Variants in EIF2S2 observed in about 807,000 individuals in gnomAD.
The protein encoded by EIF2S2 is eukaryotic translation initiation factor 2 subunit beta.
Under a neutral mutation model 44.0 loss-of-function variants are expected in EIF2S2, and 4 were observed. The ratio of observed to expected loss-of-function variants is 0.09; its 90% CI spans 0.04 to 0.21. EIF2S2 has a LOEUF of 0.21. Among genes scored for constraint, EIF2S2 ranks in the 10% least tolerant of loss-of-function variants. The pLI is 1.00. For synonymous variants in EIF2S2, 108 were observed against 128.3 expected, an observed-to-expected ratio of 0.84 and a Z score of 1.07; for missense variants, 154 against 392.0, an observed-to-expected ratio of 0.39 and a Z score of 5.13.
Position 34,091,784 on chromosome 20 carries a change from G to C in EIF2S2, c.741-1182C>G, listed in dbSNP as rs947375696. ...ATATATATTTATTTTTTTGGGGGGG[G>C]GGGGTCCAAGGGTGGAGGTTTAATA... On this transcript the variant is annotated intron_variant, in intron 7 of 8. Transcript: ENST00000374980. 2.1e-5 allele frequency among the ~76,000 whole-genome samples: 3 copies of C among 143,102 alleles called. 1 individual carries two copies. The allele number at this position is 143,102 out of a possible 152,430, so 93.9% of individuals were successfully genotyped here. A position where few individuals can be genotyped will look rare whatever the true frequency, so the allele number is the denominator to read the frequency against.
At position 34,098,586 on chromosome 20, in the gene EIF2S2, A is replaced by G; in HGVS notation, c.345T>C (p.Asp115=). 6.2e-7 allele frequency: 1 copy of G among 1,614,010 alleles called. No homozygotes were observed. The highest frequency in any genetic ancestry group is 8.5e-7 in the Non-Finnish European group (1 of 1,180,000). Residue 115 remains aspartate (D), a synonymous_variant, in exon 4 of 9, where the codon GAT becomes GAC. Coordinates refer to ENST00000374980, the MANE Select transcript of EIF2S2 (RefSeq NM_003908.5). ...SDVQEPTEPE[D]DLDIMLGNKK... is the part of the protein sequence containing the mutation. ...TATTGCCAAGCATAATGTCAAGGTCATCCTCTGGTTCAGTTGGTTCTTGAA... is the reference window on the plus strand; with the variant it reads ...TATTGCCAAGCATAATGTCAAGGTCGTCCTCTGGTTCAGTTGGTTCTTGAA...
intron 3 of EIF2S2, among the ~76,000 whole-genome samples, chr20:34,103,107 AAT>A (rs1292343287): frequency 1.3e-5 from 2 of 152,210 alleles, no homozygotes; most frequent in Non-Finnish European, 2.9e-5. Context: ...GTATATATTC[AAT>A]ATGTTACCAA....
intron 5 of EIF2S2, 115 bp from the exon 6 acceptor site, chr20:34,096,920 T>A: frequency 8.7e-7 from 1 of 1,147,920 alleles, no homozygotes; most frequent in Non-Finnish European, 1.2e-6. Flanking sequence ...AATATACACA[T>A]GCATTACTAC....
intron 3 of EIF2S2, 36 bp downstream of exon 3, chr20:34,103,426 G>A: frequency 6.6e-7 from 1 of 1,513,126 alleles, no homozygotes; most frequent in Non-Finnish European, 8.9e-7. Flanking sequence ...CCTTGCAAGA[G>A]GTCAAATTTT....
intron 3 of EIF2S2, among the ~76,000 whole-genome samples, chr20:34,099,683 C>CT (rs1453146568): frequency 2.0e-5 from 3 of 152,164 alleles, no homozygotes; most frequent in Admixed American, 2.0e-4. Flanking sequence ...ATGCTGCCTG[C>CT]TTCTGTCCAA....
At chr20:34,106,699 G>C (rs1359255950) in intron 1 of EIF2S2, among the ~76,000 whole-genome samples, 1 of 152,016 alleles carries the variant, frequency 6.6e-6, no homozygotes, top group Non-Finnish European at 1.5e-5. Context: ...CCCAGTGTTA[G>C]GATTACAGGT....
rs1254655839 is a variant in EIF2S2 at position 34,098,872 on chromosome 20, G to GA, written c.298-240dup. On this transcript the variant is annotated intron_variant, in intron 3 of 8. Coordinates refer to ENST00000374980, the MANE Select transcript of EIF2S2 (RefSeq NM_003908.5). ...CGTGGGCTGACATTATTTTGGCAGG[G>GA]AAAAAAATCACATATTCAAAATTGA... Among the ~76,000 whole-genome samples, 22 of 152,052 alleles carry GA rather than the reference G, an allele frequency of 1.4e-4. No individual in the cohort carries two copies. The South Asian group carries it at 3.7e-3, about 26-fold the overall frequency.
chr20:34,102,301 A>G (rs759360646), intron 3 of EIF2S2, among the ~76,000 whole-genome samples: 1 of 152,178 alleles, frequency 6.6e-6, no homozygotes, highest in Non-Finnish European at 1.5e-5. Flanking sequence ...CATTTTTCTC[A>G]ATTTCCCTAT....
At chr20:34,097,967 C>T (rs550055121) in intron 4 of EIF2S2, among the ~76,000 whole-genome samples, 157 of 152,136 alleles carry the variant, frequency 1.0e-3, no homozygotes, top group African/African-American at 3.7e-3. Context: ...AAATCGGGGC[C>T]GGGCGCTGTG....
intron 2 of EIF2S2, 116 bp from the exon 3 acceptor site, chr20:34,103,681 G>T: frequency 7.6e-7 from 1 of 1,308,426 alleles, no homozygotes; most frequent in Non-Finnish European, 9.9e-7. Flanking sequence ...CTATTAATTA[G>T]TCCCTCCACA....
chr20:34,107,788 A>C (rs1387924966), intron 1 of EIF2S2, among the ~76,000 whole-genome samples: 2 of 152,230 alleles, frequency 1.3e-5, no homozygotes, highest in African/African-American at 4.8e-5. Context: ...GTCCTTGCCC[A>C]GTAGAGAAGT....
In EIF2S2 at chr20:34,096,802, G is replaced by C; in HGVS notation, c.538C>G (p.Leu180Val). 1 of 1,603,978 alleles carries C rather than the reference G, an allele frequency of 6.2e-7. No individual in the cohort carries two copies. The change falls in exon 6 of 9, where the codon CTG becomes GTG. Residue 180 changes from leucine (L) to valine (V), a missense_variant. This residue lies in a region of EIF2S2 where 134 missense variants were observed against 225.0 expected (regional missense o/e 0.60). Coordinates refer to ENST00000374980, the MANE Select transcript of EIF2S2 (RefSeq NM_003908.5). The part of the protein sequence containing the change: ...SERDYTYEEL[L>V]NRVFNIMREK... ...CTCATGATGTTGAACACTCGATTCA[G>C]CAGCTATAAAAATAAAGTGGTATTC... is the stretch of plus-strand genomic sequence containing the variant.
chr20:34,099,685 T>G (rs2034273629), intron 3 of EIF2S2, among the ~76,000 whole-genome samples: 1 of 152,228 alleles, frequency 6.6e-6, no homozygotes, highest in Non-Finnish European at 1.5e-5. Context: ...GCTGCCTGCT[T>G]CTGTCCAACA....
intron 2 of EIF2S2, among the ~76,000 whole-genome samples, chr20:34,104,569 A>T (rs1420034711): frequency 6.6e-6 from 1 of 152,220 alleles, no homozygotes; most frequent in Non-Finnish European, 1.5e-5. Flanking sequence ...CTAACAAATT[A>T]TTTCACATTC....
intron 6 of EIF2S2, among the ~76,000 whole-genome samples, chr20:34,095,102 C>T (rs927173733): frequency 6.6e-6 from 1 of 152,138 alleles, no homozygotes; most frequent in Admixed American, 6.5e-5. Flanking sequence ...TAATAAAAAC[C>T]TGGGAGCAGC....
In EIF2S2 at chr20:34,097,469, T is replaced by G. The variant is rs1278991628; in HGVS notation, c.481A>C (p.Asn161His). ...NKKDDGISFS[N>H]QTGPAWAGSE... ...CCTGCCCAAGCAGGGCCTGTCTGAT[T>G]ACTGAATGAGATACCATCATCTTTT... Residue 161 changes from asparagine to histidine, a missense_variant, in exon 5 of 9, where the codon AAT becomes CAT. By Grantham distance (68) the Asn-to-His change is moderately conservative. This residue lies in a region of EIF2S2 where 134 missense variants were observed against 225.0 expected (regional missense o/e 0.60). Transcript: ENST00000374980. The G allele has an allele frequency of 1.2e-6, 2 of 1,613,846 alleles. No homozygotes were observed. Among genetic ancestry groups the G allele is most frequent in the Admixed American group, 1.7e-5 (1 of 60,024 alleles).
intron 6 of EIF2S2, among the ~76,000 whole-genome samples, chr20:34,095,200 A>G (rs1417859726): frequency 6.6e-6 from 1 of 152,240 alleles, no homozygotes; most frequent in Non-Finnish European, 1.5e-5. Context: ...AACTTTCACA[A>G]TATATTGAGA....
At chr20:34,099,267 G>T (rs574840633) in intron 3 of EIF2S2, among the ~76,000 whole-genome samples, 76 of 151,952 alleles carry the variant, frequency 5.0e-4, no homozygotes, top group African/African-American at 1.7e-3. Context: ...TACTTGAGAG[G>T]AATCGCTTGA....
At chr20:34,097,721 AAT>A (rs1287243790) in intron 4 of EIF2S2, among the ~76,000 whole-genome samples, 1 of 152,218 alleles carries the variant, frequency 6.6e-6, no homozygotes, top group Non-Finnish European at 1.5e-5. Flanking sequence ...AAAGGCCCTT[AAT>A]AGAGACCTCT....
Sources: gnomAD v4.1 joint callset for allele counts (sites outside exome capture counted in the v4.1 genomes callset) on GRCh38, gnomAD v4.1.1 for gene constraint, gnomAD v4.1.1 regional missense constraint, MANE v1.5 for transcripts, NCBI Gene and HGNC (gene_info 2026-07-23, HGNC 2026-07-21) for gene names.